Variants in KLF9 observed in about 807,000 individuals in gnomAD.
KLF9 encodes the protein KLF transcription factor 9, also known as Krueppel-like factor 9.
In KLF9, 2 loss-of-function variants were observed where a neutral mutation model predicts 17.3. That is an observed-to-expected ratio of 0.12 (90% CI 0.05 to 0.36). The LOEUF is 0.36. Among genes scored for constraint, KLF9 ranks in the 10% least tolerant of loss-of-function variants. The probability of loss-of-function intolerance (pLI) is 1.00; values close to 1 mark genes in which losing one functional copy is unlikely to be tolerated. For missense variants in KLF9, 226 were observed against 333.2 expected (o/e 0.68, Z 2.51); for synonymous variants, 138 against 139.2 (o/e 0.99, Z 0.06).
intron 1 of KLF9, among the ~76,000 whole-genome samples, chr9:70,388,842 T>G (rs1179603442): frequency 6.6e-6 from 1 of 152,164 alleles, no homozygotes; most frequent in Non-Finnish European, 1.5e-5. Context: ...GTCTTAACAC[T>G]AGAAGTAAGT....
At chr9:70,406,068 T>C (rs974197340) in intron 1 of KLF9, among the ~76,000 whole-genome samples, 2 of 151,926 alleles carry the variant, frequency 1.3e-5, no homozygotes, top group African/African-American at 4.8e-5. Flanking sequence ...CCCTTTAAAC[T>C]AAGGTGAAAA....
chr9:70,406,125 G>A (rs1231597385), intron 1 of KLF9, among the ~76,000 whole-genome samples: 2 of 152,134 alleles, frequency 1.3e-5, no homozygotes, highest in Non-Finnish European at 2.9e-5. Context: ...GCAAGTGGGG[G>A]GAAAGAATTC....
At chr9:70,404,009 A>G (rs1380433997) in intron 1 of KLF9, among the ~76,000 whole-genome samples, 2 of 152,132 alleles carry the variant, frequency 1.3e-5, no homozygotes, top group African/African-American at 2.4e-5. Flanking sequence ...GCAAGCATTC[A>G]TGCCCAACTC....
chr9:70,390,181 C>T (rs993275499), intron 1 of KLF9, among the ~76,000 whole-genome samples: 33 of 152,198 alleles, frequency 2.2e-4, no homozygotes, highest in African/African-American at 6.5e-4. Flanking sequence ...CCCTGTACAA[C>T]GTACTTTTCG....
In KLF9 at chr9:70,413,489, G is replaced by A. The variant is rs2037345694; in HGVS notation, c.-126C>T. ...CGCGGCACGGCGCGGCGGCCAAGGGGGCGGGGGCGCGGGGCGCTTCCGACT... is the reference window on the plus strand; with the variant it reads ...CGCGGCACGGCGCGGCGGCCAAGGGAGCGGGGGCGCGGGGCGCTTCCGACT... On this transcript the variant is annotated 5_prime_UTR_variant, in exon 1 of 2. Coordinates refer to ENST00000377126, the MANE Select transcript of KLF9 (RefSeq NM_001206.4). The surrounding 1 kb of genome is among the most constrained non-coding windows in gnomAD (Gnocchi z 5.6). 1.0e-5 allele frequency: 11 copies of A among 1,064,094 alleles called. No homozygotes were observed. Among genetic ancestry groups the A allele is most frequent in the Admixed American group, 4.5e-5 (1 of 22,046 alleles). The allele number at this position is 1,064,094 out of a possible 1,614,324, so 65.9% of individuals were successfully genotyped here. A position where few individuals can be genotyped will look rare whatever the true frequency, so the allele number is the denominator to read the frequency against.
intron 1 of KLF9, among the ~76,000 whole-genome samples, chr9:70,391,350 C>G (rs1375010032): frequency 6.6e-6 from 1 of 152,206 alleles, no homozygotes; most frequent in Non-Finnish European, 1.5e-5. Flanking sequence ...ACTGAATTCA[C>G]TTTCGACCTA....
Position 70,409,115 on chromosome 9 carries a change from CATATATGT to C in KLF9, c.505+3736_505+3743del, listed in dbSNP as rs1380590584. 4.1e-5 allele frequency among the ~76,000 whole-genome samples: 3 copies of C among 72,862 alleles called. 1 individual carries two copies. The highest frequency in any genetic ancestry group is 1.7e-4 in the Admixed American group (1 of 5,784). The allele number at this position is 72,862 out of a possible 152,430, so 47.8% of individuals were successfully genotyped here. A position where few individuals can be genotyped will look rare whatever the true frequency, so the allele number is the denominator to read the frequency against. On this transcript the variant is annotated intron_variant, in intron 1 of 1. Coordinates refer to ENST00000377126, the MANE Select transcript of KLF9 (RefSeq NM_001206.4). ...ATGTATATATATGTGTATATATATA[CATATATGT>C]ATATATGTATACATATATATGTATA...
chr9:70,390,396 GAA>G (rs1233606250), intron 1 of KLF9, among the ~76,000 whole-genome samples: 2 of 145,884 alleles, frequency 1.4e-5, no homozygotes, highest in South Asian at 2.2e-4. Context: ...CTGCAAAGAG[GAA>G]AAAAAAAAGA....
At chr9:70,409,194 G>GTATATGTATATATATACA (rs1564089435) in intron 1 of KLF9, among the ~76,000 whole-genome samples, 1 of 72,596 alleles carries the variant, frequency 1.4e-5, no homozygotes, top group African/African-American at 5.1e-5. Context: ...ACATATACAT[G>GTATATGTATATATATACA]TATATGTATA....
Position 70,387,140 on chromosome 9 carries a change from T to C in KLF9, c.*636A>G, listed in dbSNP as rs1310582149. 1 of 153,162 alleles carries C rather than the reference T, an allele frequency of 6.5e-6. No homozygotes were observed. The highest frequency in any genetic ancestry group is 1.5e-5 in the Non-Finnish European group (1 of 68,472). 9.5% of individuals were successfully genotyped at this position (153,162 alleles called of 1,614,324 possible). A position where few individuals can be genotyped will look rare whatever the true frequency, so the allele number is the denominator to read the frequency against. ...TGTTTTTTGTTTTCAAGTCTTTAGA[T>C]GACAGATCATGCTGGAGTAGATGTG... On this transcript the variant is annotated 3_prime_UTR_variant, in exon 2 of 2. Transcript: ENST00000377126.
chr9:70,411,807 A>G (rs950294607), intron 1 of KLF9, among the ~76,000 whole-genome samples: 4 of 152,192 alleles, frequency 2.6e-5, no homozygotes, highest in Non-Finnish European at 5.9e-5. Flanking sequence ...CACAAGACAG[A>G]GGCAAAAGGC....
rs150332827 is a variant in KLF9 at position 70,400,599 on chromosome 9, G to A, written c.505+12260C>T. 1.3e-3 allele frequency among the ~76,000 whole-genome samples: 203 copies of A among 152,344 alleles called. 2 individuals are homozygous for A. In the Middle Eastern group the frequency reaches 0.02, roughly 15 times the overall value. On this transcript the variant is annotated intron_variant, in intron 1 of 1. Transcript: ENST00000377126. ...CCCCAGCAGCAGAAATGGAGAGACT[G>A]ATGCCTGATTAGTCAACACGTACTC...
rs1233355170 is a variant in KLF9, at chr9:70,385,091, G to T, written c.*2685C>A. 6.6e-6 allele frequency: 1 copy of T among 152,502 alleles called. No individual in the cohort carries two copies. Among genetic ancestry groups the T allele is most frequent in the African/African-American group, 2.4e-5 (1 of 41,388 alleles). 9.4% of individuals were successfully genotyped at this position (152,502 alleles called of 1,614,324 possible). A position where few individuals can be genotyped will look rare whatever the true frequency, so the allele number is the denominator to read the frequency against. On this transcript the variant is annotated 3_prime_UTR_variant, in exon 2 of 2. Transcript: ENST00000377126. ...AACTTTTCTTTCTTTTTAAACACCT[G>T]CAATAGTCTTTCAAAAATTCAGTTT...
chr9:70,390,202 A>G (rs1399928947), intron 1 of KLF9, among the ~76,000 whole-genome samples: 2 of 152,214 alleles, frequency 1.3e-5, no homozygotes, highest in Non-Finnish European at 2.9e-5. Flanking sequence ...AGGAAACCCA[A>G]TGTGGGTAAA....
rs2037122056 is a variant in KLF9, at chr9:70,387,522, C to T, written c.*254G>A. The T allele has an allele frequency of 3.0e-6, 1 of 334,336 alleles. No individual in the cohort carries two copies. Among genetic ancestry groups the T allele is most frequent in the African/African-American group, 2.1e-5 (1 of 48,118 alleles). The allele number at this position is 334,336 out of a possible 1,614,324, so 20.7% of individuals were successfully genotyped here. ...AAAAAACCCAAAAGCATTTGCCTTC[C>T]CTCCAACAGTCAGAGACGGGTTCAG... is the stretch of plus-strand genomic sequence containing the variant. On this transcript the variant is annotated 3_prime_UTR_variant, in exon 2 of 2. Transcript: ENST00000377126.
At chr9:70,393,305 C>T (rs1208968629) in intron 1 of KLF9, among the ~76,000 whole-genome samples, 2 of 152,192 alleles carry the variant, frequency 1.3e-5, no homozygotes, top group Admixed American at 1.3e-4. Context: ...TCCTCGACTG[C>T]TGATTAGTTG....
At chr9:70,393,480 G>A (rs2037164464) in intron 1 of KLF9, among the ~76,000 whole-genome samples, 1 of 152,194 alleles carries the variant, frequency 6.6e-6, no homozygotes, top group African/African-American at 2.4e-5. Context: ...TGCCACTGAA[G>A]TCCTGCCTGG....
intron 1 of KLF9, among the ~76,000 whole-genome samples, chr9:70,399,287 G>C (rs1311735364): frequency 6.6e-6 from 1 of 152,180 alleles, no homozygotes; most frequent in Non-Finnish European, 1.5e-5. Context: ...CAGAGTAACA[G>C]AATTTAGAGG....
At chr9:70,397,228 A>G (rs534968880) in intron 1 of KLF9, among the ~76,000 whole-genome samples, 43 of 152,236 alleles carry the variant, frequency 2.8e-4, no homozygotes, top group African/African-American at 9.9e-4. Context: ...GTAATCCAGC[A>G]CTTTGGGAGG....
Sources: gnomAD v4.1 joint callset for allele counts (sites outside exome capture counted in the v4.1 genomes callset) on GRCh38, gnomAD v4.1.1 for gene constraint, Gnocchi (gnomAD v3.1) non-coding constraint, MANE v1.5 for transcripts, NCBI Gene and HGNC (gene_info 2026-07-23, HGNC 2026-07-21) for gene names.